The following CSMD3 variants were observed in gnomAD, a reference collection of about 807,000 sequenced individuals.
CSMD3 encodes the protein CUB and sushi domain-containing protein 3.
A neutral mutation model predicts 435.2 loss-of-function variants in CSMD3; 177 were observed. The ratio of observed to expected loss-of-function variants is 0.41; its 90% CI spans 0.36 to 0.46. CSMD3 has a LOEUF of 0.46. CSMD3 is among the 20% of genes least tolerant of loss of function. The pLI is 0.34. For synonymous variants in CSMD3, 1,656 were observed against 1,520.5 expected (o/e 1.09, Z -2.07); for missense variants, 4,265 against 4,504.6 (o/e 0.95, Z 1.52).
intron 12 of CSMD3, among the ~76,000 whole-genome samples, chr8:112,800,962 G>GA (rs1416689858): frequency 6.6e-6 from 1 of 151,894 alleles, no homozygotes; most frequent in Non-Finnish European, 1.5e-5. Context: ...TTGCATATTA[G>GA]AACTGAAGCC....
At chr8:112,526,612 C>T (rs991492382) in intron 27 of CSMD3, among the ~76,000 whole-genome samples, 13 of 151,808 alleles carry the variant, frequency 8.6e-5, no homozygotes, top group African/African-American at 3.1e-4. Context: ...AAGAGCTTTG[C>T]TTTTATTATA....
chr8:112,571,987 C>A (rs1413078361), intron 24 of CSMD3, among the ~76,000 whole-genome samples: 1 of 151,020 alleles, frequency 6.6e-6, no homozygotes, highest in Non-Finnish European at 1.5e-5. Flanking sequence ...ACTTCAAAAT[C>A]ATCAGTGGCC....
intron 45 of CSMD3, 83 bp downstream of exon 45, chr8:112,335,246 G>T (rs2130945380): frequency 4.6e-6 from 6 of 1,317,846 alleles, no homozygotes; most frequent in East Asian, 2.4e-5. Context: ...TTCAATCATT[G>T]GTTAAATATA....
chr8:112,713,554 C>A (rs2076656462), intron 13 of CSMD3, among the ~76,000 whole-genome samples: 1 of 151,892 alleles, frequency 6.6e-6, no homozygotes, highest in African/African-American at 2.4e-5. Flanking sequence ...GGCTAACATT[C>A]AAATTCAGGA....
chr8:112,847,411 G>C (rs1226023251), intron 11 of CSMD3, among the ~76,000 whole-genome samples: 1 of 152,084 alleles, frequency 6.6e-6, no homozygotes, highest in Non-Finnish European at 1.5e-5. Context: ...TCTTTGCCTT[G>C]AGTTGGGATA....
intron 3 of CSMD3, among the ~76,000 whole-genome samples, chr8:113,248,345 C>G (rs1447155729): frequency 1.3e-5 from 2 of 150,102 alleles, no homozygotes; most frequent in East Asian, 3.9e-4. Flanking sequence ...TTTAAAAACT[C>G]TATTGTATAT....
intron 13 of CSMD3, among the ~76,000 whole-genome samples, chr8:112,723,208 A>G (rs1318833000): frequency 1.3e-5 from 2 of 152,182 alleles, no homozygotes; most frequent in Non-Finnish European, 2.9e-5. Flanking sequence ...CAATGTTGAT[A>G]TTATAGATTT....
At chr8:112,640,595 T>G (rs1181297694) in intron 20 of CSMD3, among the ~76,000 whole-genome samples, 5 of 119,156 alleles carry the variant, frequency 4.2e-5, no homozygotes, top group African/African-American at 6.4e-5. Flanking sequence ...AGTTTTGGTG[T>G]TTTTTTTTTC....
At chr8:112,455,476 C>T (rs1178689735) in intron 32 of CSMD3, among the ~76,000 whole-genome samples, 1 of 152,008 alleles carries the variant, frequency 6.6e-6, no homozygotes, top group Non-Finnish European at 1.5e-5. Context: ...TAGTACCTGG[C>T]TGACAGGGTT....
intron 13 of CSMD3, among the ~76,000 whole-genome samples, chr8:112,765,130 G>A (rs1476870764): frequency 1.3e-5 from 2 of 151,596 alleles, no homozygotes; most frequent in African/African-American, 2.4e-5. Flanking sequence ...ATGACGGGGA[G>A]TCACTAAAAG....
intron 1 of CSMD3, among the ~76,000 whole-genome samples, chr8:113,401,306 A>G (rs145210685): frequency 1.6e-3 from 241 of 151,908 alleles, no homozygotes; most frequent in African/African-American, 5.6e-3. Context: ...GATAAATTAA[A>G]GAAAGAACAG....
intron 13 of CSMD3, among the ~76,000 whole-genome samples, chr8:112,798,325 G>T (rs1587328169): frequency 6.6e-6 from 1 of 151,826 alleles, no homozygotes; most frequent in East Asian, 1.9e-4. Flanking sequence ...TGGAGGAAAT[G>T]ATGTATGGAG....
At chr8:112,323,282 C>T (rs1823172451) in intron 45 of CSMD3, among the ~76,000 whole-genome samples, 2 of 152,064 alleles carry the variant, frequency 1.3e-5, no homozygotes, top group South Asian at 4.1e-4. Context: ...TCAATCTCTA[C>T]TAGTATGTTC....
At chr8:112,796,118 C>T (rs1185959635) in intron 13 of CSMD3, among the ~76,000 whole-genome samples, 2 of 152,036 alleles carry the variant, frequency 1.3e-5, no homozygotes, top group Admixed American at 6.6e-5. Context: ...TTGGTGTTCT[C>T]CTGCTCTTCA....
intron 31 of CSMD3, among the ~76,000 whole-genome samples, chr8:112,479,919 A>C (rs1267904010): frequency 1.3e-5 from 2 of 152,162 alleles, no homozygotes; most frequent in Non-Finnish European, 2.9e-5. Flanking sequence ...TGTGGGAAGT[A>C]GGCCACCACC....
rs568960690 is a variant in CSMD3 at position 112,869,581 on chromosome 8, A to G, written c.1634-10315T>C. Among the ~76,000 whole-genome samples, 3 of 152,312 alleles carry G rather than the reference A, an allele frequency of 2.0e-5. No individual in the cohort carries two copies. In the East Asian group the frequency reaches 5.8e-4, roughly 29 times the overall value. On this transcript the variant is annotated intron_variant, in intron 10 of 70. Coordinates refer to ENST00000297405, the MANE Select transcript of CSMD3 (RefSeq NM_198123.2). ...CATCCTACTATAAAGACACTTGCAC[A>G]GGTGTGTTTACTGCAGCACTATTTG...
intron 5 of CSMD3, among the ~76,000 whole-genome samples, chr8:113,098,290 A>C (rs1251019931): frequency 6.6e-6 from 1 of 152,056 alleles, no homozygotes; most frequent in Non-Finnish European, 1.5e-5. Context: ...TACTTTAAAA[A>C]TATTATGTCT....
At chr8:112,869,108 C>G (rs973735016) in intron 10 of CSMD3, among the ~76,000 whole-genome samples, 4 of 152,140 alleles carry the variant, frequency 2.6e-5, no homozygotes, top group African/African-American at 9.7e-5. Context: ...AAAAATCTGG[C>G]TCCTGGGACT....
intron 32 of CSMD3, among the ~76,000 whole-genome samples, chr8:112,459,255 C>A (rs1703489440): frequency 6.6e-6 from 1 of 151,568 alleles, no homozygotes; most frequent in Admixed American, 6.6e-5. Context: ...AAATTTGATC[C>A]TCCTGTTATC....
Sources: allele counts gnomAD v4.1 joint callset (sites outside exome capture counted in the v4.1 genomes callset), GRCh38; gene constraint gnomAD v4.1.1; transcripts MANE v1.5; gene names NCBI Gene and HGNC (gene_info 2026-07-23, HGNC 2026-07-21).